Variants in ERC1 observed in about 807,000 individuals in gnomAD.
ERC1 encodes the protein RAB6 interacting protein 2.
ERC1 carries 56 observed loss-of-function variants against 132.0 expected under a neutral mutation model. The observed-to-expected ratio is 0.42, with a 90% CI of 0.34 to 0.53. ERC1 has a LOEUF of 0.53. Ranked by LOEUF, ERC1 falls within the 20% of genes least tolerant of loss-of-function variation. The pLI is 0.03. For synonymous variants in ERC1, 478 were observed against 476.1 expected (o/e 1.00, Z -0.05); for missense variants, 1,202 against 1,349.9 (o/e 0.89, Z 1.72).
intron 1 of ERC1, among the ~76,000 whole-genome samples, chr12:1,001,549 G>A (rs1962279101): frequency 6.6e-6 from 1 of 152,144 alleles, no homozygotes; most frequent in Non-Finnish European, 1.5e-5. Flanking sequence ...GGTAATCTCT[G>A]TCCTGATTGT....
At chr12:1,289,363 A>G (rs1318939123) in intron 14 of ERC1, among the ~76,000 whole-genome samples, 1 of 152,006 alleles carries the variant, frequency 6.6e-6, no homozygotes, top group African/African-American at 2.4e-5. Context: ...TTCTTTAAAA[A>G]GAAATTCTTC....
chr12:1,029,937 G>A (rs975662722), intron 2 of ERC1, among the ~76,000 whole-genome samples: 5 of 151,948 alleles, frequency 3.3e-5, no homozygotes, highest in South Asian at 2.1e-4. Flanking sequence ...TAGTAGAGAC[G>A]GGGTTTCACC....
At chr12:1,426,574 C>T (rs1353458623) in intron 17 of ERC1, among the ~76,000 whole-genome samples, 4 of 152,118 alleles carry the variant, frequency 2.6e-5, no homozygotes, top group African/African-American at 9.7e-5. Context: ...CAGAAATTCC[C>T]AGAATTCTAG....
intron 18 of ERC1, among the ~76,000 whole-genome samples, chr12:1,489,665 T>G (rs1005922382): frequency 1.3e-5 from 2 of 152,238 alleles, no homozygotes; most frequent in African/African-American, 4.8e-5. Context: ...TAGGCTAATG[T>G]ACCGGATGAA....
chr12:1,406,537 A>T (rs2091503391), intron 16 of ERC1, among the ~76,000 whole-genome samples: 1 of 152,188 alleles, frequency 6.6e-6, no homozygotes, highest in Admixed American at 6.5e-5. Flanking sequence ...GTTCACAGGG[A>T]GGGGACTAAA....
chr12:1,250,539 T>G (rs2154314827), intron 13 of ERC1, among the ~76,000 whole-genome samples: 1 of 152,316 alleles, frequency 6.6e-6, no homozygotes, highest in East Asian at 1.9e-4. Context: ...CTGTACTTAT[T>G]GAGTTATAAA....
intron 12 of ERC1, among the ~76,000 whole-genome samples, chr12:1,226,147 C>T (rs1204852224): frequency 6.6e-6 from 1 of 152,066 alleles, no homozygotes; most frequent in Non-Finnish European, 1.5e-5. Context: ...CTGAATTCTT[C>T]TGTAGATATT....
At chr12:1,233,505 C>T (rs1471512607) in intron 12 of ERC1, among the ~76,000 whole-genome samples, 1 of 140,244 alleles carries the variant, frequency 7.1e-6, no homozygotes, top group South Asian at 2.2e-4. Context: ...AGTAAGAAAA[C>T]CAGACATTAT....
At chr12:1,097,994 C>T (rs916268774) in intron 3 of ERC1, among the ~76,000 whole-genome samples, 1 of 152,174 alleles carries the variant, frequency 6.6e-6, no homozygotes, top group Non-Finnish European at 1.5e-5. Flanking sequence ...GGATTACAGG[C>T]GTGAGCCATG....
intron 17 of ERC1, among the ~76,000 whole-genome samples, chr12:1,429,171 C>G (rs112476521): frequency 9.3e-4 from 142 of 152,296 alleles, no homozygotes; most frequent in African/African-American, 3.1e-3. Flanking sequence ...ACTAGGATCA[C>G]AAACTTTTTG....
At chr12:1,255,621 CT>C (rs757949030) in intron 13 of ERC1, among the ~76,000 whole-genome samples, 482 of 61,466 alleles carry the variant, frequency 7.8e-3, no homozygotes, top group East Asian at 0.025. Flanking sequence ...GCTTCCTGGC[CT>C]TTTTTTTTTT....
intron 15 of ERC1, among the ~76,000 whole-genome samples, chr12:1,336,259 A>T (rs2083303188): frequency 6.7e-6 from 1 of 148,546 alleles, no homozygotes; most frequent in Non-Finnish European, 1.5e-5. Context: ...CCCTCAGTTC[A>T]CCTCTAATTT....
chr12:1,418,632 T>TC (rs1491337122), intron 17 of ERC1, among the ~76,000 whole-genome samples: 1 of 109,576 alleles, frequency 9.1e-6, no homozygotes, highest in African/African-American at 6.1e-5. Context: ...TCTTTCTTTC[T>TC]TTCTTTCTTT....
At position 1,365,924 on chromosome 12, in the gene ERC1, G is replaced by A. The variant is rs112941792; in HGVS notation, c.2781-5909G>A. On this transcript the variant is annotated intron_variant, in intron 15 of 18. Transcript: ENST00000360905. ...AGATTCAGCCACATGCTACATGGAT[G>A]AACCTTGAAAACATCATGTTAAGTG... 7.8e-4 allele frequency among the ~76,000 whole-genome samples: 119 copies of A among 152,260 alleles called. 2 individuals are homozygous for A. Among genetic ancestry groups the A allele is most frequent in the African/African-American group, 2.7e-3 (112 of 41,558 alleles).
intron 18 of ERC1, among the ~76,000 whole-genome samples, chr12:1,483,520 C>T (rs1426215939): frequency 6.6e-6 from 1 of 151,858 alleles, no homozygotes; most frequent in Non-Finnish European, 1.5e-5. Flanking sequence ...CAGAATTATG[C>T]CTTTAAAAGT....
At position 1,083,635 on chromosome 12, in the gene ERC1, A is replaced by G. The variant is rs968889229; in HGVS notation, c.1086+55A>G. 1.1e-5 allele frequency: 15 copies of G among 1,349,178 alleles called. No individual in the cohort carries two copies. In the African/African-American group the frequency reaches 2.0e-4, roughly 18 times the overall value. The allele number at this position is 1,349,178 out of a possible 1,614,324, so 83.6% of individuals were successfully genotyped here. On this transcript the variant is annotated intron_variant, in intron 3 of 18. Coordinates refer to ENST00000360905, the MANE Select transcript of ERC1 (RefSeq NM_178040.4). ...TTGTTGGTTATCTTTTTTTTCACTG[A>G]TTAATCAGCATCTTGGCCCCAGTGA...
intron 14 of ERC1, among the ~76,000 whole-genome samples, chr12:1,274,480 TTTTATTTATTTA>T (rs368234236): frequency 6.0e-5 from 9 of 150,136 alleles, no homozygotes; most frequent in East Asian, 1.9e-4. Context: ...TTTTATTTTA[TTTTATTTATTTA>T]TTTATTTATT....
chr12:1,307,898 T>C (rs1426740035), intron 15 of ERC1, among the ~76,000 whole-genome samples: 3 of 152,208 alleles, frequency 2.0e-5, no homozygotes, highest in Non-Finnish European at 4.4e-5. Flanking sequence ...GAAAATATTA[T>C]GGTATCTCAT....
chr12:1,100,030 AG>A (rs1944489552), intron 3 of ERC1, among the ~76,000 whole-genome samples: 1 of 151,712 alleles, frequency 6.6e-6, no homozygotes, highest in South Asian at 2.1e-4. Flanking sequence ...TTGTATTTTT[AG>A]TAGAGATAAG....
Sources: gnomAD v4.1 joint callset for allele counts (sites outside exome capture counted in the v4.1 genomes callset) on GRCh38, gnomAD v4.1.1 for gene constraint, MANE v1.5 for transcripts, NCBI Gene and HGNC (gene_info 2026-07-23, HGNC 2026-07-21) for gene names.